The following PHF8 variants were observed in gnomAD, a reference collection of about 807,000 sequenced individuals.
PHF8 encodes histone lysine demethylase PHF8.
In PHF8, 9 loss-of-function variants were observed where a neutral mutation model predicts 74.4. The ratio of observed to expected loss-of-function variants is 0.12; its 90% CI spans 0.07 to 0.21. PHF8 has a LOEUF of 0.21. PHF8 is among the 10% of genes least tolerant of loss of function. The pLI is 1.00. For missense variants in PHF8, 478 were observed against 816.6 expected (o/e 0.59, Z 5.05); for synonymous variants, 311 against 316.6 (o/e 0.98, Z 0.19).
chrX:53,982,812 G>A (rs1206065093), intron 18 of PHF8, among the ~76,000 whole-genome samples: 4 of 112,527 alleles, frequency 3.6e-5, no homozygotes, highest in African/African-American at 1.3e-4. Context: ...CAGATAAAGA[G>A]CTAAAATTTT....
intron 2 of PHF8, among the ~76,000 whole-genome samples, chrX:54,027,160 ATC>A (rs782632376): frequency 1.0e-4 from 11 of 110,004 alleles, no homozygotes; most frequent in African/African-American, 3.3e-4. Context: ...AGTATCTTCA[ATC>A]TCTCTCTTTC....
At chrX:53,982,015 G>A (rs988070864) in intron 18 of PHF8, among the ~76,000 whole-genome samples, 6 of 112,353 alleles carry the variant, frequency 5.3e-5, no homozygotes, top group Admixed American at 9.5e-5. Flanking sequence ...ATAAGAAAAA[G>A]TAGGGAGGTC....
Position 53,985,043 on chromosome X carries a change from G to T in PHF8, c.2314C>A (p.Gln772Lys), listed in dbSNP as rs1603312296. Residue 772 changes from glutamine (Q) to lysine (K), a missense_variant, in exon 18 of 22, where the codon CAG becomes AAG. This residue lies in a region of PHF8 where 51 missense variants were observed against 45.8 expected (regional missense o/e 1.11). Coordinates refer to ENST00000338154, the MANE Select transcript of PHF8 (RefSeq NM_015107.3). ...LGTVSNSPAS[Q>K]RTPGKRPIKR... is the part of the protein sequence containing the mutation. Reference sequence around the variant, plus strand: ...ATGGGCCGCTTCCCTGGGGTGCGCTGGGAAGCAGGACTGTTAGACACTGTG... The same window carrying T: ...ATGGGCCGCTTCCCTGGGGTGCGCTTGGAAGCAGGACTGTTAGACACTGTG... 8.3e-7 allele frequency: 1 copy of T among 1,209,454 alleles called. No individual in the cohort carries two copies. The highest frequency in any genetic ancestry group is 1.8e-5 in the South Asian group (1 of 56,765).
intron 2 of PHF8, among the ~76,000 whole-genome samples, chrX:54,040,278 C>T (rs2066530122): frequency 9.0e-6 from 1 of 111,072 alleles, no homozygotes; most frequent in African/African-American, 3.3e-5. Flanking sequence ...CTACACATTT[C>T]CCATACAATC....
At chrX:53,966,222 C>CTCT (rs1162345841) in intron 18 of PHF8, among the ~76,000 whole-genome samples, 1 of 111,175 alleles carries the variant, frequency 9.0e-6, no homozygotes, top group Non-Finnish European at 1.9e-5. Flanking sequence ...CCTCTCCCTC[C>CTCT]TCTCCCTCTC....
chrX:53,946,994 A>T (rs1372837886), intron 19 of PHF8, among the ~76,000 whole-genome samples: 1 of 111,686 alleles, frequency 9.0e-6, no homozygotes, highest in Admixed American at 9.6e-5. Context: ...GATATATAGG[A>T]GCTCAATGAA....
At chrX:53,959,454 T>G (rs2065066808) in intron 19 of PHF8, among the ~76,000 whole-genome samples, 1 of 111,376 alleles carries the variant, frequency 9.0e-6, no homozygotes, top group African/African-American at 3.3e-5. Flanking sequence ...CATGAGTTAC[T>G]TTACTAACTC....
chrX:54,012,207 T>A (rs782421691), intron 7 of PHF8, among the ~76,000 whole-genome samples: 27 of 110,939 alleles, frequency 2.4e-4, no homozygotes, highest in African/African-American at 5.9e-4. Context: ...AGGAAAAAAA[T>A]ATATATATAA....
At chrX:53,952,168 C>G (rs1427515476) in intron 19 of PHF8, among the ~76,000 whole-genome samples, 3 of 109,580 alleles carry the variant, frequency 2.7e-5, no homozygotes, top group Non-Finnish European at 5.7e-5. Context: ...CCTGTAATCC[C>G]AGCTACTTGG....
intron 20 of PHF8, chrX:53,942,965 G>A (rs1410239102): frequency 4.0e-6 from 3 of 753,957 alleles, no homozygotes; most frequent in African/African-American, 2.3e-5. Flanking sequence ...TGTGCTATAC[G>A]AAGGAAGTCC....
At position 54,043,903 on chromosome X, in the gene PHF8, G is replaced by T. The variant is rs782333747; in HGVS notation, c.-234C>A. ...CACGCCCGCGGAGCTCAGCCCCAGC[G>T]ACACGCCGGCAGCCGGGCTAGCTCC... is the stretch of plus-strand genomic sequence containing the variant. On this transcript the variant is annotated 5_prime_UTR_variant, in exon 1 of 22. Coordinates refer to ENST00000338154, the MANE Select transcript of PHF8 (RefSeq NM_015107.3). The T allele has an allele frequency of 1.0e-3, 778 of 753,406 alleles. No homozygotes were observed. Among genetic ancestry groups the T allele is most frequent in the Non-Finnish European group, 1.2e-3 (745 of 638,882 alleles). The allele number at this position is 753,406 out of a possible 1,213,427, so 62.1% of individuals were successfully genotyped here.
chrX:53,967,252 G>C (rs868979013), intron 18 of PHF8, among the ~76,000 whole-genome samples: 78 of 57,201 alleles, frequency 1.4e-3, no homozygotes, highest in East Asian at 2.2e-3. Context: ...CAGCCGCCCC[G>C]TCCGGGAGGG....
chrX:53,948,138 G>A (rs1395619630), intron 19 of PHF8, among the ~76,000 whole-genome samples: 4 of 111,838 alleles, frequency 3.6e-5, no homozygotes, highest in Admixed American at 9.5e-5. Flanking sequence ...CCTGGGTTTT[G>A]GGAGGGAAAA....
chrX:54,039,164 G>A (rs2066512164), intron 2 of PHF8, among the ~76,000 whole-genome samples: 1 of 106,869 alleles, frequency 9.4e-6, no homozygotes, highest in Admixed American at 1.0e-4. Flanking sequence ...GAAGTCACTA[G>A]AGATATGAAC....
intron 18 of PHF8, among the ~76,000 whole-genome samples, chrX:53,977,468 G>A (rs781947526): frequency 8.9e-6 from 1 of 112,085 alleles, no homozygotes; most frequent in South Asian, 3.7e-4. Context: ...CACACAGAAA[G>A]TTGTTTATTA....
At chrX:54,048,371 G>C (rs782607480), upstream of PHF8, among the ~76,000 whole-genome samples, 9 of 111,513 alleles carry the variant, frequency 8.1e-5, no homozygotes, top group Non-Finnish European at 1.1e-4. Flanking sequence ...GTGCTACATA[G>C]AGGTTTGAGC....
chrX:54,032,660 TA>T (rs1452289228), intron 2 of PHF8, among the ~76,000 whole-genome samples: 1 of 111,064 alleles, frequency 9.0e-6, no homozygotes, highest in Non-Finnish European at 1.9e-5. Flanking sequence ...ACACACTATA[TA>T]TTAAGCTGTT....
Position 53,938,266 on chromosome X carries a change from GCAGGTGCTTT to G in PHF8, c.*882_*891del. The stretch of plus-strand genomic sequence containing the variant: ...AGGGCCAGGGTTATCTGCGTCATTG[GCAGGTGCTTT>G]CAGGTTTCTGGGAGATGGTTTTCCA... On this transcript the variant is annotated 3_prime_UTR_variant, in exon 22 of 22. Transcript: ENST00000338154. The G allele has an allele frequency of 9.7e-7, 1 of 1,035,127 alleles. No individual in the cohort carries two copies. Among genetic ancestry groups the G allele is most frequent in the Non-Finnish European group, 1.2e-6 (1 of 812,438 alleles). 85.3% of individuals were successfully genotyped at this position (1,035,127 alleles called of 1,213,427 possible). A position where few individuals can be genotyped will look rare whatever the true frequency, so the allele number is the denominator to read the frequency against.
At chrX:53,970,133 T>G (rs188077438) in intron 18 of PHF8, among the ~76,000 whole-genome samples, 1 of 111,551 alleles carries the variant, frequency 9.0e-6, no homozygotes, top group South Asian at 3.7e-4. Flanking sequence ...CAAATATAAT[T>G]ACATTAAGCC....
Sources: gnomAD v4.1 joint callset for allele counts (sites outside exome capture counted in the v4.1 genomes callset) on GRCh38, gnomAD v4.1.1 for gene constraint, gnomAD v4.1.1 regional missense constraint, MANE v1.5 for transcripts, NCBI Gene and HGNC (gene_info 2026-07-23, HGNC 2026-07-21) for gene names.